The following SH3GL1 variants were observed in gnomAD, a reference collection of about 807,000 sequenced individuals.
SH3GL1 encodes SH3 domain containing GRB2 like 1, endophilin A2.
In SH3GL1, 21 loss-of-function variants were observed where a neutral mutation model predicts 48.8. The observed-to-expected ratio is 0.43, with a 90% CI of 0.30 to 0.62. SH3GL1 has a LOEUF of 0.62. SH3GL1 is among the 20% of genes least tolerant of loss of function. The pLI, the probability that SH3GL1 is intolerant of heterozygous loss-of-function variation, is 0.11. For missense variants in SH3GL1, 454 were observed against 503.0 expected, an observed-to-expected ratio of 0.90 and a Z score of 0.93; for synonymous variants, 282 against 217.5, an observed-to-expected ratio of 1.30 and a Z score of -2.61.
In SH3GL1 at chr19:4,363,473, T is replaced by C. The variant is rs1972681609; in HGVS notation, c.625A>G (p.Ile209Val). Residue 209 changes from isoleucine to valine, a missense_variant and splice_region_variant, in exon 7 of 10, where the codon ATC becomes GTC. Physicochemically the swap from Ile to Val is conservative, Grantham distance 29. Coordinates refer to ENST00000269886, the MANE Select transcript of SH3GL1 (RefSeq NM_003025.4). ...TSMHNLLETD[I>V]EQVSQLSALV... ...GCCGAGAGCTGACTCACCTGCTCGA[T>C]CTGTGGGGACAGTAGGGCTCAGGGG... The C allele has an allele frequency of 1.9e-6, 3 of 1,611,514 alleles. No homozygotes were observed. The highest frequency in any genetic ancestry group is 2.2e-5 in the South Asian group (2 of 90,796).
At chr19:4,384,463 G>GAC (rs1422876658) in intron 1 of SH3GL1, among the ~76,000 whole-genome samples, 1 of 152,216 alleles carries the variant, frequency 6.6e-6, no homozygotes, top group African/African-American at 2.4e-5. Context: ...TCCAGGCTAG[G>GAC]ACTGCTGAAA....
chr19:4,366,795 A>G, intron 2 of SH3GL1, 131 bp downstream of exon 2: 2 of 987,630 alleles, frequency 2.0e-6, no homozygotes, highest in East Asian at 2.4e-5. Context: ...ACACCACCCC[A>G]TCTCTCCACA....
intron 8 of SH3GL1, 63 bp from the exon 9 acceptor site, chr19:4,362,448 G>T: frequency 6.3e-7 from 1 of 1,579,314 alleles, no homozygotes; most frequent in South Asian, 1.1e-5. Context: ...CCCTTCTGCA[G>T]AAGGCTGGGG....
rs185010340 is a variant in SH3GL1, at chr19:4,385,447, C to T, written c.45+14877G>A. Among the ~76,000 whole-genome samples, 6 of 152,284 alleles carry T rather than the reference C, an allele frequency of 3.9e-5. No homozygotes were observed. The East Asian group carries it at 5.8e-4, about 15-fold the overall frequency. ...GAGGCAACCTCTCCTGGAAGGAGGG[C>T]GACCCCCTACCGGCTCCTCTGACAG... On this transcript the variant is annotated intron_variant, in intron 1 of 9. Coordinates refer to ENST00000269886, the MANE Select transcript of SH3GL1 (RefSeq NM_003025.4).
intron 1 of SH3GL1, among the ~76,000 whole-genome samples, chr19:4,381,834 A>G (rs944821399): frequency 1.3e-5 from 2 of 150,634 alleles, no homozygotes; most frequent in Non-Finnish European, 3.0e-5. Flanking sequence ...CTGGGACTAC[A>G]GGCACCCGCC....
chr19:4,399,319 CAAAAAAAAAAA>C, intron 1 of SH3GL1, among the ~76,000 whole-genome samples: 1 of 49,624 alleles, frequency 2.0e-5, no homozygotes, highest in Admixed American at 3.3e-4. Flanking sequence ...GACTCCCTCT[CAAAAAAAAAAA>C]AAAAAAAAAA....
intron 6 of SH3GL1, 33 bp from the exon 7 acceptor site, chr19:4,363,506 C>G (rs1972683198): frequency 6.3e-7 from 1 of 1,579,582 alleles, no homozygotes; most frequent in Non-Finnish European, 8.7e-7. Context: ...GGGCTCCTGC[C>G]AGTGCCACTG....
chr19:4,362,885 C>A (rs1972662817), intron 7 of SH3GL1, 149 bp from the exon 8 acceptor site: 1 of 1,312,274 alleles, frequency 7.6e-7, no homozygotes, highest in East Asian at 2.4e-5. Context: ...TGGGACACAG[C>A]TAGACTGGGA....
chr19:4,390,645 C>T (rs1487662139), intron 1 of SH3GL1: 1 of 152,244 alleles, frequency 6.6e-6, no homozygotes, highest in Non-Finnish European at 1.5e-5. Flanking sequence ...AGAGACCGCC[C>T]CCTGACACTT....
intron 1 of SH3GL1, among the ~76,000 whole-genome samples, chr19:4,387,364 T>C (rs1349880724): frequency 2.0e-5 from 3 of 152,212 alleles, no homozygotes; most frequent in Non-Finnish European, 4.4e-5. Flanking sequence ...AGCGGCATGA[T>C]GATAGCTCAC....
intron 1 of SH3GL1, among the ~76,000 whole-genome samples, chr19:4,372,504 G>A (rs923887141): frequency 6.6e-6 from 1 of 152,192 alleles, no homozygotes; most frequent in Non-Finnish European, 1.5e-5. Flanking sequence ...TACAGGGTCG[G>A]GGTGGAGGCC....
In SH3GL1 at chr19:4,367,090, C is replaced by A. The variant is rs962248360; in HGVS notation, c.46-96G>T. ...CCGCCTTCCAGCCACATCGCATCCA[C>A]AGCTGGAGGCAGGAGGCCAAGTGAT... On this transcript the variant is annotated intron_variant, in intron 1 of 9. Coordinates refer to ENST00000269886, the MANE Select transcript of SH3GL1 (RefSeq NM_003025.4). This position sits in a 1 kb window ranked among gnomAD's most constrained non-coding sequence, Gnocchi z 4.2. The A allele has an allele frequency of 2.7e-6, 3 of 1,111,554 alleles. No individual in the cohort carries two copies. The African/African-American group carries it at 4.6e-5, about 17-fold the overall frequency. The allele number at this position is 1,111,554 out of a possible 1,614,324, so 68.9% of individuals were successfully genotyped here.
intron 3 of SH3GL1, 112 bp from the exon 4 acceptor site, chr19:4,365,737 G>C (rs756176686): frequency 2.1e-5 from 30 of 1,448,558 alleles, no homozygotes; most frequent in Non-Finnish European, 2.9e-5. Flanking sequence ...CCTGTGGACA[G>C]CCTAGGCCAC....
In SH3GL1 at chr19:4,371,663, C is replaced by G. The variant is rs1568412033; in HGVS notation, c.46-4669G>C. The stretch of plus-strand genomic sequence containing the variant: ...CATTTGCCCGCAGAGGGGTCGGCCC[C>G]AGGGTCCTCAGGTCTCACTGGCAGT... On this transcript the variant is annotated intron_variant, in intron 1 of 9. Transcript: ENST00000269886. Among the ~76,000 whole-genome samples the G allele has an allele frequency of 2.0e-5, 3 of 152,366 alleles. No homozygotes were observed. The East Asian group carries it at 5.8e-4, about 29-fold the overall frequency.
intron 1 of SH3GL1, among the ~76,000 whole-genome samples, chr19:4,373,277 G>A (rs1972939155): frequency 6.6e-6 from 1 of 152,126 alleles, no homozygotes; most frequent in Admixed American, 6.5e-5. Context: ...GGGCTGACTG[G>A]GTCATCACCC....
intron 1 of SH3GL1, among the ~76,000 whole-genome samples, chr19:4,378,735 C>A (rs186277896): frequency 2.9e-3 from 448 of 152,104 alleles, no homozygotes; most frequent in African/African-American, 9.6e-3. Flanking sequence ...ATAAAAAAAA[C>A]AGAAACCATA....
intron 1 of SH3GL1, among the ~76,000 whole-genome samples, chr19:4,394,769 G>T (rs1175489060): frequency 1.3e-5 from 2 of 152,224 alleles, no homozygotes. Context: ...AGAACCCTTG[G>T]AAGTCTAGAG....
Position 4,360,613 on chromosome 19 carries a change from T to C in SH3GL1, c.*987A>G. The stretch of plus-strand genomic sequence containing the variant: ...ATTTCATCGATTTTGCATTGGGCGA[T>C]AGAGGAAGCAGATGTCGGGGCTGCC... On this transcript the variant is annotated 3_prime_UTR_variant, in exon 10 of 10. Coordinates refer to ENST00000269886, the MANE Select transcript of SH3GL1 (RefSeq NM_003025.4). The C allele has an allele frequency of 4.3e-6, 1 of 232,444 alleles. No homozygotes were observed. The highest frequency in any genetic ancestry group is 8.5e-6 in the Non-Finnish European group (1 of 117,648). 14.4% of individuals were successfully genotyped at this position (232,444 alleles called of 1,614,324 possible). A position where few individuals can be genotyped will look rare whatever the true frequency, so the allele number is the denominator to read the frequency against.
intron 1 of SH3GL1, among the ~76,000 whole-genome samples, chr19:4,393,180 G>C (rs142385337): frequency 0.047 from 7,128 of 152,154 alleles, 349 homozygotes; most frequent in African/African-American, 0.12. Context: ...AGAATTGCTT[G>C]AACCCAGGAG....
Sources: allele counts gnomAD v4.1 joint callset (sites outside exome capture counted in the v4.1 genomes callset), GRCh38; gene constraint gnomAD v4.1.1; non-coding constraint Gnocchi (gnomAD v3.1); transcripts MANE v1.5; gene names NCBI Gene and HGNC (gene_info 2026-07-23, HGNC 2026-07-21).